AUTS2: variants seen among roughly 807,000 people sequenced by gnomAD.
AUTS2 encodes autism susceptibility gene 2 protein.
A neutral mutation model predicts 112.4 loss-of-function variants in AUTS2; 17 were observed. The observed-to-expected ratio is 0.15, with a 90% CI of 0.10 to 0.23. AUTS2 has a LOEUF of 0.23. Ranked by LOEUF, AUTS2 falls within the 10% of genes least tolerant of loss-of-function variation. The pLI, the probability that AUTS2 is intolerant of heterozygous loss-of-function variation, is 1.00. For missense variants in AUTS2, 1,510 were observed against 1,701.6 expected, an observed-to-expected ratio of 0.89 and a Z score of 1.98; for synonymous variants, 751 against 702.7, an observed-to-expected ratio of 1.07 and a Z score of -1.09.
intron 1 of AUTS2, among the ~76,000 whole-genome samples, chr7:69,870,988 G>A (rs933343705): frequency 6.6e-6 from 1 of 152,132 alleles, no homozygotes; most frequent in African/African-American, 2.4e-5. Flanking sequence ...TTTATGTTAT[G>A]CCTCATAGGC....
At chr7:70,761,231 C>T (rs571805365) in intron 6 of AUTS2, among the ~76,000 whole-genome samples, 34 of 152,264 alleles carry the variant, frequency 2.2e-4, no homozygotes, top group Non-Finnish European at 4.7e-4. Flanking sequence ...CACTTGAGCC[C>T]AGGAGTTGGA....
rs183138172 is a variant in AUTS2, at chr7:70,557,543, A to G, written c.690+121762A>G. On this transcript the variant is annotated intron_variant, in intron 5 of 18. Coordinates refer to ENST00000342771, the MANE Select transcript of AUTS2 (RefSeq NM_015570.4). ...CATGTGCTCCATTAAAAATTAAAGC[A>G]TCCTGTTTTAAGGATGGAGCAGGAG... 2.4e-4 allele frequency among the ~76,000 whole-genome samples: 36 copies of G among 152,346 alleles called. 1 individual carries two copies. The highest frequency in any genetic ancestry group is 2.1e-3 in the East Asian group (11 of 5,178).
At chr7:70,076,196 C>T (rs7794623) in intron 2 of AUTS2, among the ~76,000 whole-genome samples, 6 of 151,984 alleles carry the variant, frequency 3.9e-5, no homozygotes, top group African/African-American at 1.2e-4. Flanking sequence ...GGCGTAAAGA[C>T]GTTTTATTTT....
chr7:69,966,866 C>T (rs570762667), intron 2 of AUTS2, among the ~76,000 whole-genome samples: 2 of 151,984 alleles, frequency 1.3e-5, no homozygotes, highest in Non-Finnish European at 2.9e-5. Flanking sequence ...ATTTTCTTTA[C>T]GTTTCTGAAA....
chr7:70,502,777 C>T (rs1484179017), intron 5 of AUTS2, among the ~76,000 whole-genome samples: 1 of 152,152 alleles, frequency 6.6e-6, no homozygotes, highest in East Asian at 1.9e-4. Flanking sequence ...AAGTACTTAA[C>T]AGCAAATATC....
At chr7:70,157,452 T>A (rs1240830058) in intron 4 of AUTS2, among the ~76,000 whole-genome samples, 2 of 151,878 alleles carry the variant, frequency 1.3e-5, no homozygotes, top group Non-Finnish European at 2.9e-5. Context: ...GCTAATTTTT[T>A]ATTGTTTTAT....
At chr7:69,872,206 C>G (rs1276757648) in intron 1 of AUTS2, among the ~76,000 whole-genome samples, 1 of 152,214 alleles carries the variant, frequency 6.6e-6, no homozygotes, top group African/African-American at 2.4e-5. Flanking sequence ...TAAGGAAGCA[C>G]AGCAGAGACA....
intron 2 of AUTS2, among the ~76,000 whole-genome samples, chr7:69,942,052 G>A (rs969926434): frequency 1.8e-4 from 28 of 152,156 alleles, no homozygotes; most frequent in African/African-American, 6.0e-4. Context: ...TTGAGAATAC[G>A]TAGAAAATTT....
At chr7:70,380,469 C>T (rs1293307920) in intron 4 of AUTS2, among the ~76,000 whole-genome samples, 1 of 152,198 alleles carries the variant, frequency 6.6e-6, no homozygotes, top group Non-Finnish European at 1.5e-5. Context: ...AAAAGCAGTC[C>T]CCCTTTCCGC....
In AUTS2 at chr7:69,873,904, C is replaced by T. The variant is rs116276187; in HGVS notation, c.310-25382C>T. ...TATTGATACTTAATACCTATCAGCACTTCTAGACTGTGGCCTGGAGGAATC... is the reference window on the plus strand; with the variant it reads ...TATTGATACTTAATACCTATCAGCATTTCTAGACTGTGGCCTGGAGGAATC... On this transcript the variant is annotated intron_variant, in intron 1 of 18. Coordinates refer to ENST00000342771, the MANE Select transcript of AUTS2 (RefSeq NM_015570.4). Among the ~76,000 whole-genome samples, 443 of 152,278 alleles carry T rather than the reference C, an allele frequency of 2.9e-3. 5 individuals carry two copies. Among genetic ancestry groups the T allele is most frequent in the African/African-American group, 0.01 (429 of 41,548 alleles).
At chr7:69,678,952 A>G (rs1796684731) in intron 1 of AUTS2, among the ~76,000 whole-genome samples, 1 of 152,176 alleles carries the variant, frequency 6.6e-6, no homozygotes, top group Non-Finnish European at 1.5e-5. Context: ...GGGGATGGGA[A>G]AGTATGTTTG....
chr7:70,331,430 T>C (rs1790739551), intron 4 of AUTS2, among the ~76,000 whole-genome samples: 1 of 152,064 alleles, frequency 6.6e-6, no homozygotes, highest in Non-Finnish European at 1.5e-5. Flanking sequence ...CATTTAATTC[T>C]TCTCTCTTTT....
chr7:69,870,448 A>AATATATATAT (rs11467258), intron 1 of AUTS2, among the ~76,000 whole-genome samples: 8,320 of 78,906 alleles, frequency 0.11, 785 homozygotes, highest in Admixed American at 0.12. Flanking sequence ...ATGTGTGTGT[A>AATATATATAT]ATATATATAT....
At chr7:70,163,929 C>G (rs1282844719) in intron 4 of AUTS2, among the ~76,000 whole-genome samples, 2 of 152,046 alleles carry the variant, frequency 1.3e-5, no homozygotes, top group Admixed American at 6.6e-5. Context: ...TTCTCCTTCC[C>G]CCCTCCAAGA....
chr7:69,833,937 A>G (rs1487674472), intron 1 of AUTS2, among the ~76,000 whole-genome samples: 3 of 152,216 alleles, frequency 2.0e-5, no homozygotes, highest in African/African-American at 4.8e-5. Flanking sequence ...ACTCCATCCA[A>G]GACTGATTGA....
At chr7:70,042,166 C>T (rs1801276021) in intron 2 of AUTS2, among the ~76,000 whole-genome samples, 1 of 151,816 alleles carries the variant, frequency 6.6e-6, no homozygotes. Context: ...AGAAGCCAAT[C>T]TGCACCCCCA....
intron 2 of AUTS2, among the ~76,000 whole-genome samples, chr7:69,936,475 G>A (rs1051450286): frequency 5.9e-5 from 9 of 151,920 alleles, no homozygotes; most frequent in Admixed American, 5.2e-4. Context: ...TCAGCCTCCC[G>A]AGTAGCTGGG....
At chr7:70,014,470 A>C (rs1341415962) in intron 2 of AUTS2, among the ~76,000 whole-genome samples, 1 of 152,222 alleles carries the variant, frequency 6.6e-6, no homozygotes, top group Non-Finnish European at 1.5e-5. Flanking sequence ...CCTGGTTCTC[A>C]TTGCAATATT....
intron 4 of AUTS2, among the ~76,000 whole-genome samples, chr7:70,249,906 TA>T (rs902950333): frequency 5.6e-4 from 82 of 146,356 alleles, no homozygotes; most frequent in African/African-American, 2.0e-3. Flanking sequence ...ATATTTTAAG[TA>T]AAATTTTATT....
Sources: allele counts gnomAD v4.1 joint callset (sites outside exome capture counted in the v4.1 genomes callset), GRCh38; gene constraint gnomAD v4.1.1; transcripts MANE v1.5; gene names NCBI Gene and HGNC (gene_info 2026-07-23, HGNC 2026-07-21).